PIEZO2: variants seen among roughly 807,000 people sequenced by gnomAD.
PIEZO2 encodes the protein piezo type mechanosensitive ion channel component 2.
A neutral mutation model predicts 337.3 loss-of-function variants in PIEZO2; 172 were observed. That is an observed-to-expected ratio of 0.51 (90% CI 0.45 to 0.58). The LOEUF is 0.58. Among genes scored for constraint, PIEZO2 ranks in the 20% least tolerant of loss-of-function variants. The pLI is 0.00. For synonymous variants in PIEZO2, 1,251 were observed against 1,228.5 expected, an observed-to-expected ratio of 1.02 and a Z score of -0.38; for missense variants, 3,028 against 3,391.3, an observed-to-expected ratio of 0.89 and a Z score of 2.66.
chr18:10,701,166 T>C (rs1414691128), intron 43 of PIEZO2, among the ~76,000 whole-genome samples: 1 of 152,240 alleles, frequency 6.6e-6, no homozygotes. Context: ...AAATATTTTA[T>C]ATAAGAAGAC....
chr18:10,697,852 T>C lies in PIEZO2; in HGVS notation c.6723A>G (p.Gln2241=), dbSNP rs1362211626. 6.2e-7 allele frequency: 1 copy of C among 1,613,874 alleles called. No homozygotes were observed. Among genetic ancestry groups the C allele is most frequent in the Non-Finnish European group, 8.5e-7 (1 of 1,179,898 alleles). ...TAATACTCAAAACACTGCTTCCTTTTTGACTGCTGTTTCGGGTGCTTGTGC... is the reference window on the plus strand; with the variant it reads ...TAATACTCAAAACACTGCTTCCTTTCTGACTGCTGTTTCGGGTGCTTGTGC... ...RGSTSTRNSS[Q]KGSSVLSIKQ... The change falls in exon 45 of 56, where the codon CAA becomes CAG. Residue 2241 remains glutamine (Q), a synonymous_variant. Transcript: ENST00000674853.
Position 10,943,487 on chromosome 18 carries a change from G to A in PIEZO2, c.287-32259C>T, listed in dbSNP as rs2032832577. ...CTGCTGGATTTCAGACTTGCATGGG[G>A]CCTGTAGCACCTTAGTTTTGGCCAA... On this transcript the variant is annotated intron_variant, in intron 3 of 55. Transcript: ENST00000674853. The surrounding 1 kb of genome is among the most constrained non-coding windows in gnomAD (Gnocchi z 4.5). Among the ~76,000 whole-genome samples, 1 of 152,164 alleles carries A rather than the reference G, an allele frequency of 6.6e-6. No individual in the cohort carries two copies. Among genetic ancestry groups the A allele is most frequent in the Admixed American group, 6.5e-5 (1 of 15,284 alleles).
At chr18:10,926,427 A>G (rs941440960) in intron 3 of PIEZO2, among the ~76,000 whole-genome samples, 1 of 152,206 alleles carries the variant, frequency 6.6e-6, no homozygotes, top group Non-Finnish European at 1.5e-5. Flanking sequence ...TTTGGTGACT[A>G]TCTTAGCAGC....
At chr18:10,963,116 C>T (rs1210275944) in intron 3 of PIEZO2, among the ~76,000 whole-genome samples, 9 of 152,028 alleles carry the variant, frequency 5.9e-5, no homozygotes, top group African/African-American at 1.9e-4. Flanking sequence ...GAAACCTTGT[C>T]TCTACTAAAA....
Position 11,105,578 on chromosome 18 carries a change from C to T in PIEZO2, c.65-39356G>A, listed in dbSNP as rs2039535617. ...GTTTTGACGAAATGAACATACTCATCCTTTATCTGTACAACTATAATCACC... is the reference window on the plus strand; with the variant it reads ...GTTTTGACGAAATGAACATACTCATTCTTTATCTGTACAACTATAATCACC... On this transcript the variant is annotated intron_variant, in intron 1 of 55. Coordinates refer to ENST00000674853, the MANE Select transcript of PIEZO2 (RefSeq NM_001378183.1). The surrounding 1 kb of genome is among the most constrained non-coding windows in gnomAD (Gnocchi z 4.3). 6.6e-6 allele frequency among the ~76,000 whole-genome samples: 1 copy of T among 151,992 alleles called. No homozygotes were observed. The highest frequency in any genetic ancestry group is 1.5e-5 in the Non-Finnish European group (1 of 68,002).
At chr18:11,144,029 A>G (rs1337021460) in intron 1 of PIEZO2, among the ~76,000 whole-genome samples, 1 of 152,246 alleles carries the variant, frequency 6.6e-6, no homozygotes, top group African/African-American at 2.4e-5. Context: ...TGAAGGGCAG[A>G]GCCATGAGGT....
Position 11,148,416 on chromosome 18 carries a change from C to T in PIEZO2, c.64+109G>A, listed in dbSNP as rs543194882. Reference sequence around the variant, plus strand: ...AGCGCGCGTCTGACGCCGCTGGCCTCCCGAATCGAACCCCAGAGCACCAGA... The same window carrying T: ...AGCGCGCGTCTGACGCCGCTGGCCTTCCGAATCGAACCCCAGAGCACCAGA... On this transcript the variant is annotated intron_variant, in intron 1 of 55. Transcript: ENST00000674853. The surrounding 1 kb of genome is among the most constrained non-coding windows in gnomAD (Gnocchi z 5.2). 1.3e-5 allele frequency: 17 copies of T among 1,293,202 alleles called. No homozygotes were observed. In the African/African-American group the frequency reaches 1.8e-4, roughly 13 times the overall value. The allele number at this position is 1,293,202 out of a possible 1,614,324, so 80.1% of individuals were successfully genotyped here.
intron 1 of PIEZO2, among the ~76,000 whole-genome samples, chr18:11,141,690 C>T (rs1020172780): frequency 2.6e-5 from 4 of 152,208 alleles, no homozygotes; most frequent in African/African-American, 9.6e-5. Flanking sequence ...TGACCTAGAA[C>T]TCTTCTGAGC....
intron 43 of PIEZO2, among the ~76,000 whole-genome samples, chr18:10,699,813 C>T (rs1263259039): frequency 6.6e-6 from 1 of 152,046 alleles, no homozygotes; most frequent in Non-Finnish European, 1.5e-5. Flanking sequence ...GGAAAGTCAC[C>T]CTGATGACCT....
At position 10,726,654 on chromosome 18, in the gene PIEZO2, CCAGA is replaced by C. The variant is rs1483052874; in HGVS notation, c.5029+4749_5029+4752del. ...AGTACTGCGCGCGCGCCAAGCGCGG[CCAGA>C]CAGACACCTCGCTGCCAAGTTAATT... On this transcript the variant is annotated intron_variant, in intron 36 of 55. Transcript: ENST00000674853. This position sits in a 1 kb window ranked among gnomAD's most constrained non-coding sequence, Gnocchi z 5.9. 2.3e-5 allele frequency: 33 copies of C among 1,416,736 alleles called. No homozygotes were observed. Among genetic ancestry groups the C allele is most frequent in the Middle Eastern group, 1.8e-4 (1 of 5,548 alleles). The allele number at this position is 1,416,736 out of a possible 1,614,324, so 87.8% of individuals were successfully genotyped here.
At chr18:10,744,059 G>A in intron 31 of PIEZO2, 83 bp downstream of exon 31, 1 of 958,450 alleles carries the variant, frequency 1.0e-6, no homozygotes, top group Admixed American at 2.5e-5. Context: ...AGGGGTTTGA[G>A]GCTCCCCAAC....
chr18:10,727,993 G>A lies in PIEZO2; in HGVS notation c.5029+3414C>T, dbSNP rs2036609701. The A allele has an allele frequency of 6.6e-6, 1 of 151,630 alleles. No homozygotes were observed. Among genetic ancestry groups the A allele is most frequent in the Non-Finnish European group, 1.5e-5 (1 of 67,906 alleles). The allele number at this position is 151,630 out of a possible 1,614,324, so 9.4% of individuals were successfully genotyped here. ...GAAAAAAGAAAAAAAGGGATAAGAAGCCTGACATATAAATAGCATGAATTG... is the reference window on the plus strand; with the variant it reads ...GAAAAAAGAAAAAAAGGGATAAGAAACCTGACATATAAATAGCATGAATTG... On this transcript the variant is annotated intron_variant, in intron 36 of 55. Transcript: ENST00000674853. The surrounding 1 kb of genome is among the most constrained non-coding windows in gnomAD (Gnocchi z 6.3).
intron 20 of PIEZO2, among the ~76,000 whole-genome samples, chr18:10,771,557 T>G (rs943049496): frequency 6.6e-6 from 1 of 152,250 alleles, no homozygotes; most frequent in Non-Finnish European, 1.5e-5. Context: ...CTTCTTTAAC[T>G]GGCTTGGGTA....
intron 2 of PIEZO2, among the ~76,000 whole-genome samples, chr18:11,015,612 G>T (rs2036089741): frequency 6.6e-6 from 1 of 152,076 alleles, no homozygotes; most frequent in Non-Finnish European, 1.5e-5. Context: ...CAGTGCCAAG[G>T]TAAGGTCAAA....
intron 2 of PIEZO2, among the ~76,000 whole-genome samples, chr18:11,060,996 A>C (rs999573051): frequency 4.6e-5 from 7 of 152,244 alleles, no homozygotes; most frequent in African/African-American, 1.7e-4. Context: ...ATATCGATGC[A>C]AAAGTCCTCA....
intron 7 of PIEZO2, among the ~76,000 whole-genome samples, chr18:10,831,118 G>A (rs1032060933): frequency 2.0e-5 from 3 of 152,062 alleles, no homozygotes; most frequent in Admixed American, 1.3e-4. Flanking sequence ...CAGTACGGAG[G>A]TTCCTCAAAA....
chr18:10,702,056 T>A lies in PIEZO2; in HGVS notation c.6374A>T (p.Lys2125Met), dbSNP rs2035363793. ...GAGGTCATAGAGAACATAACCTTCC[T>A]TCTTTTCCACTCCTATGATGTTTGG... ...HPPNIIGVEK[K>M]EGYVLYDLIQ... The change falls in exon 43 of 56, where the codon AAG becomes ATG. Residue 2125 changes from lysine to methionine, a missense_variant. Around this residue, in one of 5 missense-constraint regions of PIEZO2, gnomAD observed 1,925 missense variants for 2,051.9 expected, o/e 0.94. Transcript: ENST00000674853. The A allele has an allele frequency of 2.6e-6, 4 of 1,536,878 alleles. 1 individual carries two copies. The South Asian group carries it at 4.8e-5, about 18-fold the overall frequency.
At chr18:10,678,295 T>C (rs1416465810) in intron 52 of PIEZO2, among the ~76,000 whole-genome samples, 2 of 152,238 alleles carry the variant, frequency 1.3e-5, no homozygotes, top group African/African-American at 4.8e-5. Context: ...TTTGTTGTTG[T>C]TGTTGTTTTT....
chr18:11,138,627 T>A (rs1314151461), intron 1 of PIEZO2, among the ~76,000 whole-genome samples: 1 of 152,166 alleles, frequency 6.6e-6, no homozygotes, highest in African/African-American at 2.4e-5. Context: ...GCTATCTGTA[T>A]ATTGAGGAGT....
Sources: gnomAD v4.1 joint callset for allele counts (sites outside exome capture counted in the v4.1 genomes callset) on GRCh38, gnomAD v4.1.1 for gene constraint, gnomAD v4.1.1 regional missense constraint, Gnocchi (gnomAD v3.1) non-coding constraint, MANE v1.5 for transcripts, NCBI Gene and HGNC (gene_info 2026-07-23, HGNC 2026-07-21) for gene names.